Variants in COL24A1 observed in about 807,000 individuals in gnomAD.
COL24A1 encodes the protein collagen type XXIV alpha 1 chain.
COL24A1 carries 224 observed loss-of-function variants against 253.9 expected under a neutral mutation model. The ratio of observed to expected loss-of-function variants is 0.88; its 90% confidence interval spans 0.79 to 0.99. COL24A1 has a LOEUF of 0.99. COL24A1 is among the 50% of genes least tolerant of loss of function. COL24A1 has a pLI of 0.00. For synonymous variants in COL24A1, 685 were observed against 673.7 expected, an observed-to-expected ratio of 1.02 and a Z score of -0.26; for missense variants, 2,131 against 2,068.5, an observed-to-expected ratio of 1.03 and a Z score of -0.59.
intron 12 of COL24A1, among the ~76,000 whole-genome samples, chr1:86,045,144 C>G (rs1000766441): frequency 3.3e-5 from 5 of 152,190 alleles, no homozygotes; most frequent in Non-Finnish European, 7.4e-5. Context: ...CACCCACCAC[C>G]ACAGCCAGCT....
intron 5 of COL24A1, among the ~76,000 whole-genome samples, chr1:86,110,377 C>A (rs1369039743): frequency 6.6e-6 from 1 of 152,026 alleles, no homozygotes; most frequent in East Asian, 1.9e-4. Flanking sequence ...ACACTGTTAT[C>A]TATCATATTG....
intron 24 of COL24A1, among the ~76,000 whole-genome samples, chr1:85,919,766 C>T (rs1470106530): frequency 6.6e-6 from 1 of 152,182 alleles, no homozygotes; most frequent in African/African-American, 2.4e-5. Context: ...TACTTAGGAA[C>T]ACCTTCACCA....
chr1:86,071,380 G>T (rs1202632901), intron 7 of COL24A1, among the ~76,000 whole-genome samples: 2 of 151,882 alleles, frequency 1.3e-5, no homozygotes, highest in Admixed American at 1.3e-4. Flanking sequence ...TAACAAAATG[G>T]CAGGAATAAG....
intron 57 of COL24A1, among the ~76,000 whole-genome samples, chr1:85,742,170 G>A (rs1425251090): frequency 2.2e-5 from 3 of 137,402 alleles, no homozygotes; most frequent in African/African-American, 8.1e-5. Context: ...GTCTCACTCT[G>A]TGGCCAGGCT....
intron 38 of COL24A1, among the ~76,000 whole-genome samples, chr1:85,848,006 T>C (rs1007016957): frequency 2.0e-5 from 3 of 152,164 alleles, no homozygotes; most frequent in East Asian, 1.9e-4. Context: ...CTGGTGCTCA[T>C]GTTGAATCCA....
intron 14 of COL24A1, among the ~76,000 whole-genome samples, chr1:86,027,170 A>C (rs1698109798): frequency 6.6e-6 from 1 of 152,224 alleles, no homozygotes; most frequent in Non-Finnish European, 1.5e-5. Context: ...AGCAAAGTAT[A>C]AAAAAGTTCA....
chr1:85,945,625 G>GATACATACTAA (rs1689257482), intron 24 of COL24A1, among the ~76,000 whole-genome samples: 1 of 146,860 alleles, frequency 6.8e-6, no homozygotes, highest in Admixed American at 6.9e-5. Flanking sequence ...CTAATTATGT[G>GATACATACTAA]GCAACTAGAT....
At chr1:86,059,927 G>A (rs532365897) in intron 8 of COL24A1, among the ~76,000 whole-genome samples, 5 of 152,152 alleles carry the variant, frequency 3.3e-5, no homozygotes, top group Non-Finnish European at 5.9e-5. Flanking sequence ...AACCTAACCG[G>A]GCTGGCATGC....
intron 15 of COL24A1, 27 bp from the exon 16 acceptor site, chr1:86,022,904 TATC>T: frequency 6.2e-7 from 1 of 1,608,362 alleles, no homozygotes; most frequent in South Asian, 1.1e-5. Context: ...CATTTTGTGA[TATC>T]ATAGACAGAT....
At chr1:85,858,621 C>CTCCCTCCCTCCT (rs1347863094) in intron 37 of COL24A1, among the ~76,000 whole-genome samples, 28 of 113,270 alleles carry the variant, frequency 2.5e-4, no homozygotes, top group Admixed American at 1.4e-3. Context: ...TATTTTCTCC[C>CTCCCTCCCTCCT]TCCTTCCTTC....
chr1:86,096,954 C>A (rs1012117943), intron 5 of COL24A1, among the ~76,000 whole-genome samples: 1 of 152,158 alleles, frequency 6.6e-6, no homozygotes, highest in Non-Finnish European at 1.5e-5. Context: ...AAGTCTACTA[C>A]CTCAACCTAA....
intron 10 of COL24A1, among the ~76,000 whole-genome samples, chr1:86,050,396 A>C (rs1291927139): frequency 6.6e-6 from 1 of 152,176 alleles, no homozygotes. Context: ...AATGGTGGCT[A>C]TTAAAAATAA....
intron 20 of COL24A1, among the ~76,000 whole-genome samples, chr1:85,974,928 T>G (rs1327698999): frequency 6.6e-6 from 1 of 152,182 alleles, no homozygotes; most frequent in Non-Finnish European, 1.5e-5. Context: ...AACAGGAACT[T>G]AATAAATATC....
intron 20 of COL24A1, among the ~76,000 whole-genome samples, chr1:85,982,666 C>T (rs1693370505): frequency 6.6e-6 from 1 of 151,982 alleles, no homozygotes; most frequent in Admixed American, 6.6e-5. Context: ...GAACTCCCTC[C>T]TACTCACTTA....
chr1:85,802,539 T>A (rs1671542158), intron 47 of COL24A1, among the ~76,000 whole-genome samples: 1 of 152,166 alleles, frequency 6.6e-6, no homozygotes, highest in African/African-American at 2.4e-5. Context: ...AATATATGAA[T>A]TTATATATGT....
At chr1:85,982,404 A>G (rs758822591) in intron 20 of COL24A1, among the ~76,000 whole-genome samples, 2 of 152,088 alleles carry the variant, frequency 1.3e-5, no homozygotes, top group Non-Finnish European at 2.9e-5. Context: ...AAACAAATTT[A>G]CTAAGGGGGT....
intron 41 of COL24A1, 30 bp downstream of exon 41, chr1:85,842,038 T>C: frequency 6.3e-7 from 1 of 1,592,318 alleles, no homozygotes. Context: ...TGTTTAACTT[T>C]AAGATTAAAA....
chr1:85,945,001 T>C (rs1339063937), intron 24 of COL24A1, among the ~76,000 whole-genome samples: 9 of 56,026 alleles, frequency 1.6e-4, no homozygotes, highest in Non-Finnish European at 2.7e-4. Flanking sequence ...TCTATCATTG[T>C]GTTTTTTTTT....
chr1:85,874,562 C>T, intron 35 of COL24A1, 87 bp downstream of exon 35: 1 of 1,207,184 alleles, frequency 8.3e-7, no homozygotes, highest in Non-Finnish European at 1.2e-6. Flanking sequence ...GTTTATTATC[C>T]AATTTTTTGA....
Sources: gnomAD v4.1 joint callset for allele counts (sites outside exome capture counted in the v4.1 genomes callset) on GRCh38, gnomAD v4.1.1 for gene constraint, MANE v1.5 for transcripts, NCBI Gene and HGNC (gene_info 2026-07-23, HGNC 2026-07-21) for gene names.